Variants in RNASE10 observed in about 807,000 individuals in gnomAD.
The protein encoded by RNASE10 is ribonuclease A family member 10 (inactive).
Under a neutral mutation model 1.1 loss-of-function variants are expected in RNASE10, and 2 were observed. The observed-to-expected ratio is 1.82, with a 90% CI of 0.74 to 5.73. The LOEUF (loss-of-function observed/expected upper bound fraction) is 5.73. Ranked by LOEUF, RNASE10 falls within the 30% of genes most tolerant of loss-of-function variation. RNASE10 has a pLI of 0.05. For missense variants in RNASE10, 276 were observed against 263.4 expected (o/e 1.05, Z -0.33); for synonymous variants, 97 against 96.2 (o/e 1.01, Z -0.05).
downstream of RNASE10, among the ~76,000 whole-genome samples, chr14:20,513,640 G>C (rs963533925): frequency 2.6e-5 from 4 of 152,148 alleles, no homozygotes; most frequent in Non-Finnish European, 5.9e-5. Context: ...GTTTATTTAT[G>C]CTATGTGACC....
chr14:20,508,072 T>TTC lies in RNASE10; in HGVS notation c.79+2065_79+2066dup, dbSNP rs1296912403. On this transcript the variant is annotated intron_variant, in intron 1 of 1. Transcript: ENST00000430083. ...GGCCCCCTATTTATTTTTTATCATT[T>TTC]TCTCTCTCTCTCTGTAAACACACAC... 3.9e-5 allele frequency among the ~76,000 whole-genome samples: 6 copies of TTC among 151,922 alleles called. No individual in the cohort carries two copies. In the South Asian group the frequency reaches 6.2e-4, roughly 16 times the overall value.
At chr14:20,504,488 C>A (rs1164890719), upstream of RNASE10, among the ~76,000 whole-genome samples, 1 of 151,670 alleles carries the variant, frequency 6.6e-6, no homozygotes, top group East Asian at 1.9e-4. Context: ...GAGATCGAGA[C>A]CATTCTGGCT....
At chr14:20,509,693 G>C (rs1882845364) in intron 1 of RNASE10, among the ~76,000 whole-genome samples, 1 of 152,188 alleles carries the variant, frequency 6.6e-6, no homozygotes, top group South Asian at 2.1e-4. Flanking sequence ...AAAATAAAGA[G>C]ATGGTCTTCT....
downstream of RNASE10, chr14:20,511,183 C>G: frequency 7.9e-7 from 1 of 1,268,164 alleles, no homozygotes; most frequent in Non-Finnish European, 1.0e-6. Context: ...TTTACTTCTT[C>G]TTTCTCATAT....
chr14:20,510,874 A>G (rs767962676), exon 2 of RNASE10: 1 of 1,614,196 alleles, frequency 6.2e-7, no homozygotes, highest in Non-Finnish European at 8.5e-7. Flanking sequence ...TCAGAGTTGC[A>G]TAGCCCAGTA....
chr14:20,506,350 C>T (rs1223063684), intron 1 of RNASE10, among the ~76,000 whole-genome samples: 7 of 121,908 alleles, frequency 5.7e-5, no homozygotes, highest in South Asian at 6.0e-4. Flanking sequence ...CCGCCCAGTC[C>T]GGGAGGTGAG....
chr14:20,511,144 T>C, exon 2 of RNASE10: 1 of 1,441,922 alleles, frequency 6.9e-7, no homozygotes, highest in Non-Finnish European at 9.2e-7. Context: ...ATCTTTTTTC[T>C]CTTCACCTTC....
intron 1 of RNASE10, among the ~76,000 whole-genome samples, chr14:20,506,973 C>T (rs1265036269): frequency 2.2e-5 from 3 of 138,498 alleles, no homozygotes; most frequent in African/African-American, 8.2e-5. Flanking sequence ...CCAGCCGCCC[C>T]GTCCGGGAGG....
intron 1 of RNASE10, among the ~76,000 whole-genome samples, chr14:20,508,677 A>G (rs181235256): frequency 8.1e-4 from 124 of 152,206 alleles, no homozygotes; most frequent in African/African-American, 2.7e-3. Flanking sequence ...GAAAGGGGGG[A>G]AAAACATGCT....
intron 1 of RNASE10, among the ~76,000 whole-genome samples, chr14:20,506,727 C>A (rs1882737101): frequency 7.4e-6 from 1 of 134,524 alleles, no homozygotes; most frequent in Admixed American, 7.1e-5. Context: ...GGGGTCAGCC[C>A]CCCGCCCGGC....
At chr14:20,504,492 T>C (rs527799138), upstream of RNASE10, among the ~76,000 whole-genome samples, 1 of 151,482 alleles carries the variant, frequency 6.6e-6, no homozygotes, top group Non-Finnish European at 1.5e-5. Context: ...TCGAGACCAT[T>C]CTGGCTAACA....
At chr14:20,506,698 C>T (rs1261401589) in intron 1 of RNASE10, among the ~76,000 whole-genome samples, 5 of 104,892 alleles carry the variant, frequency 4.8e-5, no homozygotes, top group African/African-American at 7.8e-5. Context: ...CCAGCCGCCC[C>T]GTCCGGGAGG....
At chr14:20,509,909 G>A (rs562600886) in intron 1 of RNASE10, among the ~76,000 whole-genome samples, 13 of 146,668 alleles carry the variant, frequency 8.9e-5, no homozygotes, top group African/African-American at 1.8e-4. Flanking sequence ...TTAATTGACC[G>A]CAGGAGTTTG....
At chr14:20,506,966 G>T in intron 1 of RNASE10, among the ~76,000 whole-genome samples, 1 of 143,388 alleles carries the variant, frequency 7.0e-6, no homozygotes, top group Non-Finnish European at 1.5e-5. Context: ...CGCCCGGCCA[G>T]CCGCCCCGTC....
At position 20,510,808 on chromosome 14, in the gene RNASE10, G is replaced by C. The variant is rs778548159; in HGVS notation, c.421G>C (p.Asp141His). ...GAGCAACAAAGACTATCTTAGGCTT[G>C]ACCAGACAGATAGAGAATGCAATGA... is the stretch of plus-strand genomic sequence containing the variant. Residue 141 changes from aspartate to histidine, a missense_variant, in exon 2 of 2, where the codon GAC (aspartate) becomes CAC (histidine). Coordinates refer to ENST00000430083, the Ensembl canonical transcript of RNASE10. 2.5e-6 allele frequency: 4 copies of C among 1,614,154 alleles called. No individual in the cohort carries two copies. The South Asian group carries it at 3.3e-5, about 13-fold the overall frequency.
upstream of RNASE10, among the ~76,000 whole-genome samples, chr14:20,504,387 A>G (rs543005568): frequency 1.1e-3 from 174 of 152,332 alleles, no homozygotes; most frequent in African/African-American, 3.5e-3. Context: ...AAGGAACAAC[A>G]TGGAAGTCCT....
chr14:20,506,324 C>T (rs1419124049), intron 1 of RNASE10, among the ~76,000 whole-genome samples: 14 of 128,542 alleles, frequency 1.1e-4, no homozygotes. Context: ...GGGGGGTCAG[C>T]CCCCCGCCCG....
exon 2 of RNASE10, chr14:20,510,859 C>T: frequency 6.2e-7 from 1 of 1,614,098 alleles, no homozygotes; most frequent in Non-Finnish European, 8.5e-7. Flanking sequence ...GATGAAGGAG[C>T]CCAGTCAGAG....
chr14:20,505,133 C>G (rs1176193401), upstream of RNASE10, among the ~76,000 whole-genome samples: 5 of 151,468 alleles, frequency 3.3e-5, no homozygotes, highest in Non-Finnish European at 5.9e-5. Context: ...TAGGGTAGGA[C>G]AAAGAAAGAG....
Sources: allele counts gnomAD v4.1 joint callset (sites outside exome capture counted in the v4.1 genomes callset), GRCh38; gene constraint gnomAD v4.1.1; transcripts MANE v1.5; gene names NCBI Gene and HGNC (gene_info 2026-07-23, HGNC 2026-07-21).